The following PRICKLE1 variants were observed in gnomAD, a reference collection of about 807,000 sequenced individuals.
PRICKLE1 encodes the protein prickle planar cell polarity protein 1.
PRICKLE1 carries 14 observed loss-of-function variants against 70.2 expected under a neutral mutation model. That is an observed-to-expected ratio of 0.20 (90% CI 0.13 to 0.31). The LOEUF (loss-of-function observed/expected upper bound fraction) is 0.31, where lower values mean the gene tolerates loss of function less well. Ranked by LOEUF, PRICKLE1 falls within the 10% of genes least tolerant of loss-of-function variation. The probability of loss-of-function intolerance (pLI) is 1.00; values close to 1 mark genes in which losing one functional copy is unlikely to be tolerated. For synonymous variants in PRICKLE1, 357 were observed against 379.9 expected (o/e 0.94, Z 0.70); for missense variants, 821 against 1,026.2 (o/e 0.80, Z 2.73).
chr12:42,556,969 ATTTTG>A lies in PRICKLE1; in HGVS notation c.-49+32491_-49+32495del, dbSNP rs1592026430. On this transcript the variant is annotated intron_variant, in intron 1 of 7. Transcript: ENST00000345127. ...GACAAAGACCAAGGAATGAACCTTTATTTTGTTAAAACAAAATTTCTGTTTTTTTT... is the reference window on the plus strand; with the variant it reads ...GACAAAGACCAAGGAATGAACCTTTATTAAAACAAAATTTCTGTTTTTTTT... Among the ~76,000 whole-genome samples the A allele has an allele frequency of 3.3e-5, 5 of 151,924 alleles. No homozygotes were observed. The South Asian group carries it at 8.3e-4, about 25-fold the overall frequency.
intron 1 of PRICKLE1, among the ~76,000 whole-genome samples, chr12:42,538,869 G>A (rs1191452606): frequency 3.3e-5 from 5 of 152,158 alleles, no homozygotes; most frequent in Admixed American, 3.3e-4. Flanking sequence ...ACAGTTTCTT[G>A]TTTCTTTTTT....
At chr12:42,472,802 G>T (rs1437880530) in intron 1 of PRICKLE1, among the ~76,000 whole-genome samples, 1 of 152,188 alleles carries the variant, frequency 6.6e-6, no homozygotes, top group African/African-American at 2.4e-5. Flanking sequence ...ACCAAAGCTA[G>T]TTTATTTCCA....
At chr12:42,560,964 A>G (rs1940504115) in intron 1 of PRICKLE1, among the ~76,000 whole-genome samples, 1 of 152,222 alleles carries the variant, frequency 6.6e-6, no homozygotes, top group South Asian at 2.1e-4. Context: ...GAAATGCTAT[A>G]AATCTCTGAG....
chr12:42,460,284 C>T lies in PRICKLE1; in HGVS notation c.2021G>A (p.Arg674His), dbSNP rs748173327. 12 of 1,613,956 alleles carry T rather than the reference C, an allele frequency of 7.4e-6. No individual in the cohort carries two copies. The highest frequency in any genetic ancestry group is 6.7e-5 in the African/African-American group (5 of 74,898). The change falls in exon 8 of 8, where the codon CGC becomes CAC. Residue 674 changes from arginine (R) to histidine (H), a missense_variant. Physicochemically the swap from Arg to His is conservative, Grantham distance 29 (BLOSUM62 0). Transcript: ENST00000345127. ...GCGGGACTTTCTACTTCTCCGGCGG[C>T]GGTGGTGATGAGACCTGGATCCCCT... ...EERGSRSHHH[R>H]RRRSRKSRSD... is the part of the protein sequence containing the mutation.
At chr12:42,536,403 C>A (rs1033881032) in intron 1 of PRICKLE1, among the ~76,000 whole-genome samples, 1 of 152,168 alleles carries the variant, frequency 6.6e-6, no homozygotes, top group African/African-American at 2.4e-5. Context: ...ACCCCTAGAT[C>A]CTCCAGCTGA....
In PRICKLE1 at chr12:42,476,472, G is replaced by A. The variant is rs374763327; in HGVS notation, c.-48-3908C>T. 1.2e-4 allele frequency among the ~76,000 whole-genome samples: 18 copies of A among 151,750 alleles called. No individual in the cohort carries two copies. In the East Asian group the frequency reaches 2.3e-3, roughly 20 times the overall value. Reference sequence around the variant, plus strand: ...GCTGGGATTACAGGCGTGAGCCACTGCACCTGGCTAATTTTGTATTTTTAG... The same window carrying A: ...GCTGGGATTACAGGCGTGAGCCACTACACCTGGCTAATTTTGTATTTTTAG... On this transcript the variant is annotated intron_variant, in intron 1 of 7. Transcript: ENST00000345127.
In PRICKLE1 at chr12:42,459,308, G is replaced by T; in HGVS notation, c.*501C>A. 1.4e-6 allele frequency: 1 copy of T among 701,962 alleles called. No individual in the cohort carries two copies. 43.5% of individuals were successfully genotyped at this position (701,962 alleles called of 1,614,324 possible). A position where few individuals can be genotyped will look rare whatever the true frequency, so the allele number is the denominator to read the frequency against. ...GCTGATACAATACAATGTTTACCTG[G>T]CCAAAGAGGGTTCGAGGGGACAAGC... On this transcript the variant is annotated 3_prime_UTR_variant, in exon 8 of 8. Transcript: ENST00000345127.
intron 1 of PRICKLE1, among the ~76,000 whole-genome samples, chr12:42,586,744 C>A (rs1169062147): frequency 6.6e-6 from 1 of 152,154 alleles, no homozygotes; most frequent in Non-Finnish European, 1.5e-5. Context: ...GACAATCACT[C>A]ATAATACTTA....
chr12:42,518,752 A>C (rs1372201963), intron 1 of PRICKLE1, among the ~76,000 whole-genome samples: 2 of 152,212 alleles, frequency 1.3e-5, no homozygotes, highest in South Asian at 4.1e-4. Context: ...ATGACCTTGA[A>C]ATTTATTTGG....
At chr12:42,525,184 A>G (rs554940370) in intron 1 of PRICKLE1, 16 of 152,334 alleles carry the variant, frequency 1.1e-4, no homozygotes, top group East Asian at 3.9e-4. Flanking sequence ...GACTGGGTTC[A>G]GAGAGTTTCC....
chr12:42,513,093 G>A (rs1178542691), intron 1 of PRICKLE1, among the ~76,000 whole-genome samples: 1 of 152,022 alleles, frequency 6.6e-6, no homozygotes, highest in Non-Finnish European at 1.5e-5. Context: ...AACCTCCCGA[G>A]TAACATTACA....
In PRICKLE1 at chr12:42,464,652, C is replaced by T; in HGVS notation, c.1382G>A (p.Ser461Asn). The change falls in exon 7 of 8, where the codon AGC (serine) becomes AAC (asparagine). Residue 461 changes from serine to asparagine, a missense_variant. Coordinates refer to ENST00000345127, the MANE Select transcript of PRICKLE1 (RefSeq NM_153026.3). This position sits in a 1 kb window ranked among gnomAD's most constrained non-coding sequence, Gnocchi z 4.2. ...SKTELKQNNQSLASKKYQSDM... is the reference protein window; with the variant it reads ...SKTELKQNNQNLASKKYQSDM... ...AGACTGGTATTTTTTACTTGCAAGG[C>T]TCTGGTTATTTTGCTTTAACTCGGT... 2.5e-6 allele frequency: 4 copies of T among 1,614,014 alleles called. No homozygotes were observed. The highest frequency in any genetic ancestry group is 1.7e-6 in the Non-Finnish European group (2 of 1,180,008).
In PRICKLE1 at chr12:42,463,933, G is replaced by C. The variant is rs114654579; in HGVS notation, c.1639+462C>G. ...ATGCACATGCACTCACCTCACACAT[G>C]TGTTTGTTTTGCTAGTGTTTGGTAT... is the stretch of plus-strand genomic sequence containing the variant. On this transcript the variant is annotated intron_variant, in intron 7 of 7. Transcript: ENST00000345127. Among the ~76,000 whole-genome samples the C allele has an allele frequency of 3.6e-3, 552 of 152,246 alleles. 3 individuals carry two copies. Among genetic ancestry groups the C allele is most frequent in the African/African-American group, 0.013 (536 of 41,538 alleles).
chr12:42,547,255 GTGA>G (rs1176036523), intron 1 of PRICKLE1, among the ~76,000 whole-genome samples: 1 of 152,218 alleles, frequency 6.6e-6, no homozygotes, highest in Non-Finnish European at 1.5e-5. Context: ...CTAGGAGGAA[GTGA>G]TGTATGGTGG....
At chr12:42,543,749 C>T (rs1441169005) in intron 1 of PRICKLE1, among the ~76,000 whole-genome samples, 2 of 152,226 alleles carry the variant, frequency 1.3e-5, no homozygotes, top group East Asian at 3.9e-4. Context: ...TCTCGATCTC[C>T]TGACCTCGTT....
At chr12:42,579,701 T>C (rs1280340760) in intron 1 of PRICKLE1, among the ~76,000 whole-genome samples, 1 of 152,106 alleles carries the variant, frequency 6.6e-6, no homozygotes, top group African/African-American at 2.4e-5. Flanking sequence ...TCAAAGGAAA[T>C]TGGATAGTTA....
At chr12:42,538,686 C>G (rs1940056257) in intron 1 of PRICKLE1, among the ~76,000 whole-genome samples, 1 of 152,024 alleles carries the variant, frequency 6.6e-6, no homozygotes, top group South Asian at 2.1e-4. Context: ...TCTTTTTTGT[C>G]TTCCTAATTA....
chr12:42,553,443 C>A (rs1359015544), intron 1 of PRICKLE1, among the ~76,000 whole-genome samples: 1 of 139,014 alleles, frequency 7.2e-6, no homozygotes, highest in Non-Finnish European at 1.5e-5. Context: ...GACTCCGTCT[C>A]AAAAAAAAAA....
In PRICKLE1 at chr12:42,470,294, C is replaced by T. The variant is rs1256250717; in HGVS notation, c.198G>A (p.Lys66=). ...GGTACAAAAGCTGTTTAATCCGATG[C>T]TTCTCTCCGGGGCTGTTAACGTAAG... ...KVPYVNSPGE[K]HRIKQLLYQL... The change falls in exon 3 of 8, where the codon AAG becomes AAA. Residue 66 remains lysine (K), a synonymous_variant. Coordinates refer to ENST00000345127, the MANE Select transcript of PRICKLE1 (RefSeq NM_153026.3). 3.7e-6 allele frequency: 6 copies of T among 1,613,966 alleles called. No individual in the cohort carries two copies. The Admixed American group carries it at 1.0e-4, about 27-fold the overall frequency.
Sources: allele counts gnomAD v4.1 joint callset (sites outside exome capture counted in the v4.1 genomes callset), GRCh38; gene constraint gnomAD v4.1.1; non-coding constraint Gnocchi (gnomAD v3.1); transcripts MANE v1.5; gene names NCBI Gene and HGNC (gene_info 2026-07-23, HGNC 2026-07-21).